The following ABCC4 variants were observed in gnomAD, a reference collection of about 807,000 sequenced individuals.
The protein encoded by ABCC4 is ATP binding cassette subfamily C member 4 (PEL blood group), also known as ATP-binding cassette sub-family C member 4.
A neutral mutation model predicts 168.5 loss-of-function variants in ABCC4; 102 were observed. That is an observed-to-expected ratio of 0.61 (90% CI 0.52 to 0.71). ABCC4 has a LOEUF of 0.71. Ranked by LOEUF, ABCC4 falls within the 30% of genes least tolerant of loss-of-function variation. ABCC4 has a pLI of 0.00. For missense variants in ABCC4, 1,402 were observed against 1,605.8 expected (o/e 0.87, Z 2.17); for synonymous variants, 617 against 590.7 (o/e 1.04, Z -0.65).
chr13:95,117,502 A>G (rs2035419944), intron 19 of ABCC4, among the ~76,000 whole-genome samples: 1 of 143,214 alleles, frequency 7.0e-6, no homozygotes, highest in Admixed American at 6.8e-5. Flanking sequence ...GCAGGGCAAG[A>G]GGTCAGGCTA....
intron 1 of ABCC4, 99 bp from the exon 2 acceptor site, chr13:95,247,852 A>T: frequency 1.2e-6 from 1 of 816,692 alleles, no homozygotes; most frequent in Admixed American, 2.2e-5. Flanking sequence ...CCTTTAAAAT[A>T]CATACAGCTA....
chr13:95,138,651 C>T (rs1207139101), intron 19 of ABCC4, among the ~76,000 whole-genome samples: 3 of 152,020 alleles, frequency 2.0e-5, no homozygotes, highest in Non-Finnish European at 4.4e-5. Flanking sequence ...TCGTGAGATC[C>T]TGATTCTAAA....
intron 4 of ABCC4, among the ~76,000 whole-genome samples, chr13:95,219,138 T>C (rs1396370820): frequency 1.3e-5 from 2 of 152,040 alleles, no homozygotes; most frequent in Non-Finnish European, 2.9e-5. Flanking sequence ...CCAATACCCA[T>C]GGAAAGAACA....
chr13:95,044,160 T>C, intron 28 of ABCC4, 106 bp downstream of exon 28: 1 of 1,150,414 alleles, frequency 8.7e-7, no homozygotes. Flanking sequence ...AAATGTTATG[T>C]CTGGGGCAAA....
At chr13:95,163,746 T>G in intron 16 of ABCC4, 99 bp from the exon 17 acceptor site, 2 of 1,049,218 alleles carry the variant, frequency 1.9e-6, no homozygotes, top group Admixed American at 4.0e-5. Context: ...AAGAAAGCCC[T>G]CAAAGCCGGG....
At chr13:95,247,137 C>A (rs745412916) in intron 2 of ABCC4, 42 bp from the exon 3 acceptor site, 1 of 1,593,488 alleles carries the variant, frequency 6.3e-7, no homozygotes, top group South Asian at 1.1e-5. Context: ...GTGAACCCTG[C>A]CACAATATAA....
intron 14 of ABCC4, among the ~76,000 whole-genome samples, chr13:95,166,652 T>C (rs971964439): frequency 2.6e-5 from 4 of 152,216 alleles, no homozygotes; most frequent in Non-Finnish European, 5.9e-5. Context: ...GGTAGTCTTA[T>C]TACAGAACAT....
rs950576017 is a variant in ABCC4 at position 95,223,536 on chromosome 13, C to T, written c.531+11074G>A. 2.0e-5 allele frequency among the ~76,000 whole-genome samples: 3 copies of T among 152,226 alleles called. No individual in the cohort carries two copies. The South Asian group carries it at 6.2e-4, about 31-fold the overall frequency. On this transcript the variant is annotated intron_variant, in intron 4 of 30. Coordinates refer to ENST00000645237, the MANE Select transcript of ABCC4 (RefSeq NM_005845.5). ...GTTTGTTTTTTGAGAAAGAGTCTCA[C>T]TCTCACCCAGGCTGGAGTACAGTGG...
At chr13:95,246,212 G>T (rs534518737) in intron 3 of ABCC4, among the ~76,000 whole-genome samples, 15 of 152,290 alleles carry the variant, frequency 9.8e-5, no homozygotes, top group African/African-American at 3.6e-4. Flanking sequence ...TACATTCTCT[G>T]CAGGGCCAGG....
At chr13:95,086,244 A>G (rs1222794860) in intron 20 of ABCC4, among the ~76,000 whole-genome samples, 1 of 152,162 alleles carries the variant, frequency 6.6e-6, no homozygotes, top group African/African-American at 2.4e-5. Flanking sequence ...CTAATAGAAC[A>G]TGGCAACACA....
intron 1 of ABCC4, among the ~76,000 whole-genome samples, chr13:95,273,986 C>G (rs949430060): frequency 6.6e-6 from 1 of 152,078 alleles, no homozygotes; most frequent in African/African-American, 2.4e-5. Flanking sequence ...CTGCCATCCA[C>G]GTGACTTTCT....
chr13:95,100,975 G>A (rs1430914450), intron 20 of ABCC4, among the ~76,000 whole-genome samples: 1 of 152,116 alleles, frequency 6.6e-6, no homozygotes, highest in Non-Finnish European at 1.5e-5. Context: ...AAGGGTCAGT[G>A]GTACTGAGAC....
At chr13:95,161,952 G>C (rs2037113283) in intron 18 of ABCC4, among the ~76,000 whole-genome samples, 1 of 152,102 alleles carries the variant, frequency 6.6e-6, no homozygotes, top group South Asian at 2.1e-4. Flanking sequence ...ATTTTTAAAT[G>C]AATAAAATAA....
chr13:95,207,834 T>C lies in ABCC4; in HGVS notation c.877A>G (p.Lys293Glu), dbSNP rs11568684. The part of the protein sequence containing the change: ...IRIIKMYAWE[K>E]SFSNLITNLR... ...TTGGTAATAAGATTTGAAAATGACT[T>C]TTCCCAGGCGTACATTTTTATTATC... Residue 293 changes from lysine to glutamate, a missense_variant, in exon 7 of 31, where the codon AAG becomes GAG. Around this residue, in one of 3 missense-constraint regions of ABCC4, gnomAD observed 78 missense variants for 133.0 expected, o/e 0.59. Transcript: ENST00000645237. The C allele has an allele frequency of 3.7e-4, 590 of 1,613,268 alleles. No individual in the cohort carries two copies. The highest frequency in any genetic ancestry group is 4.5e-4 in the Non-Finnish European group (536 of 1,179,732).
intron 20 of ABCC4, among the ~76,000 whole-genome samples, chr13:95,084,005 C>T (rs1456573560): frequency 6.6e-6 from 1 of 152,156 alleles, no homozygotes. Context: ...GAAGCCTCAG[C>T]TATGCACGGG....
At chr13:95,180,322 C>A (rs531055337) in intron 11 of ABCC4, among the ~76,000 whole-genome samples, 1 of 152,014 alleles carries the variant, frequency 6.6e-6, no homozygotes, top group South Asian at 2.1e-4. Context: ...GGGAGGCCGA[C>A]ACGGGTGGAT....
chr13:95,139,992 G>A (rs1013140929), intron 19 of ABCC4, among the ~76,000 whole-genome samples: 39 of 152,142 alleles, frequency 2.6e-4, no homozygotes, highest in African/African-American at 9.2e-4. Flanking sequence ...ATCTGGTCTA[G>A]GATCCACTGC....
chr13:95,301,309 C>T lies in ABCC4; in HGVS notation c.6G>A (p.Leu2=). 1 of 1,591,760 alleles carries T rather than the reference C, an allele frequency of 6.3e-7. No individual in the cohort carries two copies. Residue 2 remains leucine (L), a synonymous_variant, in exon 1 of 31, where the codon CTG becomes CTA. Coordinates refer to ENST00000645237, the MANE Select transcript of ABCC4 (RefSeq NM_005845.5). M[L]PVYQEVKPNP... ...TGGGCTTCACCTCCTGGTACACGGG[C>T]AGCATCTTGCCGGGCGGGGCGGGCG...
rs143187305 is a variant in ABCC4 at position 95,164,520 on chromosome 13, T to C, written c.2035-2A>G. On this transcript the variant is annotated splice_acceptor_variant, in intron 15 of 30. Transcript: ENST00000645237. LOFTEE classifies it high-confidence loss of function. ...TAGTGTAACTGGGACATTCTCTGTC[T>C]GCAGAGGAAAAAAGGTGGTAAGAGA... 2 of 1,613,738 alleles carry C rather than the reference T, an allele frequency of 1.2e-6. No individual in the cohort carries two copies. The highest frequency in any genetic ancestry group is 2.7e-5 in the African/African-American group (2 of 74,882).
Sources: gnomAD v4.1 joint callset for allele counts (sites outside exome capture counted in the v4.1 genomes callset) on GRCh38, gnomAD v4.1.1 for gene constraint, gnomAD v4.1.1 regional missense constraint, MANE v1.5 for transcripts, NCBI Gene and HGNC (gene_info 2026-07-23, HGNC 2026-07-21) for gene names.